Variants in ZFPM2 observed in about 807,000 individuals in gnomAD.
ZFPM2 encodes zinc finger protein, FOG family member 2, also known as zinc finger protein ZFPM2.
In ZFPM2, 20 loss-of-function variants were observed where a neutral mutation model predicts 98.6. That is an observed-to-expected ratio of 0.20 (90% confidence interval 0.14 to 0.29). ZFPM2 has a LOEUF of 0.29. ZFPM2 is among the 10% of genes least tolerant of loss of function. ZFPM2 has a pLI of 1.00. For synonymous variants in ZFPM2, 518 were observed against 502.7 expected (o/e 1.03, Z -0.41); for missense variants, 1,310 against 1,388.6 (o/e 0.94, Z 0.90).
intron 3 of ZFPM2, among the ~76,000 whole-genome samples, chr8:105,540,989 G>A (rs1368922154): frequency 6.6e-6 from 1 of 152,054 alleles, no homozygotes; most frequent in African/African-American, 2.4e-5. Flanking sequence ...ACAGTTTTAT[G>A]TAGCTGGCAG....
At chr8:105,430,185 G>A (rs1409563066) in intron 2 of ZFPM2, among the ~76,000 whole-genome samples, 1 of 152,138 alleles carries the variant, frequency 6.6e-6, no homozygotes, top group Non-Finnish European at 1.5e-5. Context: ...CTTCTCACTT[G>A]GACAGACTCC....
chr8:105,641,268 C>A (rs1816943941), intron 5 of ZFPM2, among the ~76,000 whole-genome samples: 1 of 151,988 alleles, frequency 6.6e-6, no homozygotes. Context: ...TCAACAGAAT[C>A]ATTTTCATTA....
At chr8:105,582,992 T>C (rs1284169850) in intron 4 of ZFPM2, among the ~76,000 whole-genome samples, 9 of 152,210 alleles carry the variant, frequency 5.9e-5, no homozygotes, top group Non-Finnish European at 1.2e-4. Flanking sequence ...ACCTGGTTAA[T>C]TTGTTATTAA....
At chr8:105,744,418 G>A (rs1812296107) in intron 5 of ZFPM2, among the ~76,000 whole-genome samples, 1 of 152,082 alleles carries the variant, frequency 6.6e-6, no homozygotes, top group South Asian at 2.1e-4. Flanking sequence ...GAGCCCATTG[G>A]TGTTGTACTG....
At chr8:105,330,541 T>TATATATATACATATATATATATATATAC (rs1812192968) in intron 1 of ZFPM2, among the ~76,000 whole-genome samples, 1 of 82,470 alleles carries the variant, frequency 1.2e-5, no homozygotes, top group Non-Finnish European at 2.4e-5. Context: ...TCTCTCTCTA[T>TATATATATACATATATATATATATATAC]ATATATATAT....
intron 5 of ZFPM2, among the ~76,000 whole-genome samples, chr8:105,664,522 T>C (rs1817454720): frequency 6.6e-6 from 1 of 152,094 alleles, no homozygotes; most frequent in South Asian, 2.1e-4. Context: ...TTATTAAAGA[T>C]GGGGTTTCTT....
At chr8:105,386,151 T>C (rs1810984516) in intron 1 of ZFPM2, among the ~76,000 whole-genome samples, 1 of 152,180 alleles carries the variant, frequency 6.6e-6, no homozygotes, top group Non-Finnish European at 1.5e-5. Flanking sequence ...AAAAGTCTTT[T>C]GAACTGTAGT....
intron 1 of ZFPM2, among the ~76,000 whole-genome samples, chr8:105,323,764 G>A (rs1285647421): frequency 1.3e-5 from 2 of 151,780 alleles, no homozygotes; most frequent in Non-Finnish European, 3.0e-5. Context: ...ATGAAGTTAG[G>A]TTTTTTAAAG....
chr8:105,746,206 A>C (rs1563546683), intron 5 of ZFPM2, among the ~76,000 whole-genome samples: 1 of 151,928 alleles, frequency 6.6e-6, no homozygotes, highest in African/African-American at 2.4e-5. Flanking sequence ...GCCCCACTAC[A>C]AAATAAAGCT....
At chr8:105,637,731 C>T (rs758301230) in intron 5 of ZFPM2, among the ~76,000 whole-genome samples, 1 of 152,048 alleles carries the variant, frequency 6.6e-6, no homozygotes, top group African/African-American at 2.4e-5. Context: ...CACTCCTACT[C>T]GTATCCAAAC....
intron 5 of ZFPM2, among the ~76,000 whole-genome samples, chr8:105,661,120 T>C (rs1018410162): frequency 7.2e-5 from 11 of 152,294 alleles, no homozygotes; most frequent in African/African-American, 2.6e-4. Flanking sequence ...ATATCTATAA[T>C]TTTGACAAAA....
intron 5 of ZFPM2, among the ~76,000 whole-genome samples, chr8:105,691,951 T>C (rs1022623528): frequency 6.6e-6 from 1 of 152,218 alleles, no homozygotes; most frequent in African/African-American, 2.4e-5. Flanking sequence ...ACTCAAGTAA[T>C]AAACTAAATT....
At chr8:105,439,384 T>C (rs1812191687) in intron 2 of ZFPM2, among the ~76,000 whole-genome samples, 1 of 152,180 alleles carries the variant, frequency 6.6e-6, no homozygotes, top group African/African-American at 2.4e-5. Flanking sequence ...TTGGAAAGAA[T>C]GCCAGACTAG....
At chr8:105,453,790 A>AT (rs1440459030) in intron 3 of ZFPM2, among the ~76,000 whole-genome samples, 1 of 151,268 alleles carries the variant, frequency 6.6e-6, no homozygotes, top group Non-Finnish European at 1.5e-5. Flanking sequence ...CACCCAGGTA[A>AT]TTTTTTTTAT....
At chr8:105,372,204 G>C (rs1348579838) in intron 1 of ZFPM2, among the ~76,000 whole-genome samples, 1 of 151,818 alleles carries the variant, frequency 6.6e-6, no homozygotes, top group East Asian at 1.9e-4. Context: ...CAACAGGCCT[G>C]GCTAATTTTT....
intron 1 of ZFPM2, among the ~76,000 whole-genome samples, chr8:105,363,404 A>G (rs2129773039): frequency 6.6e-6 from 1 of 152,304 alleles, no homozygotes; most frequent in Admixed American, 6.5e-5. Flanking sequence ...ATATTTGTGT[A>G]ACATGTCCTT....
chr8:105,778,232 TAGACCCTGAGATCTAGGC>T lies in ZFPM2; in HGVS notation c.533-10484_533-10467del, dbSNP rs533931305. Reference sequence around the variant, plus strand: ...TAGATATATGTCCTGTGTTCATGCCTAGACCCTGAGATCTAGGCATTACCACATGCGATGTTGAAATGG... The same window carrying T: ...TAGATATATGTCCTGTGTTCATGCCTATTACCACATGCGATGTTGAAATGG... On this transcript the variant is annotated intron_variant, in intron 5 of 7. Transcript: ENST00000407775. 4.4e-3 allele frequency among the ~76,000 whole-genome samples: 675 copies of T among 152,302 alleles called. 3 individuals are homozygous for T. Among genetic ancestry groups the T allele is most frequent in the African/African-American group, 0.015 (605 of 41,572 alleles).
chr8:105,480,352 G>A (rs561315750), intron 3 of ZFPM2, among the ~76,000 whole-genome samples: 7 of 152,194 alleles, frequency 4.6e-5, no homozygotes, highest in South Asian at 2.1e-4. Flanking sequence ...ATTCATGCAC[G>A]TATCTGCCAC....
chr8:105,373,605 C>T (rs1810665953), intron 1 of ZFPM2, among the ~76,000 whole-genome samples: 1 of 151,932 alleles, frequency 6.6e-6, no homozygotes, highest in African/African-American at 2.4e-5. Context: ...AGAGTGCTAA[C>T]AAAATGGAAG....
Sources: gnomAD v4.1 joint callset for allele counts (sites outside exome capture counted in the v4.1 genomes callset) on GRCh38, gnomAD v4.1.1 for gene constraint, MANE v1.5 for transcripts, NCBI Gene and HGNC (gene_info 2026-07-23, HGNC 2026-07-21) for gene names.